The following SH3D19 variants were observed in gnomAD, a reference collection of about 807,000 sequenced individuals.
SH3D19 encodes SH3 domain containing 19.
A neutral mutation model predicts 112.1 loss-of-function variants in SH3D19; 58 were observed. The observed-to-expected ratio is 0.52, with a 90% CI of 0.42 to 0.64. The LOEUF (loss-of-function observed/expected upper bound fraction) is 0.64. SH3D19 is among the 30% of genes least tolerant of loss of function. The pLI is 0.00. For missense variants in SH3D19, 1,090 were observed against 1,263.4 expected (o/e 0.86, Z 2.08); for synonymous variants, 391 against 448.5 (o/e 0.87, Z 1.62).
chr4:151,134,833 G>C (rs1252578926), intron 15 of SH3D19, among the ~76,000 whole-genome samples: 1 of 152,168 alleles, frequency 6.6e-6, no homozygotes, highest in South Asian at 2.1e-4. Flanking sequence ...ATCACCATAT[G>C]AAGTGTTTTC....
rs1332400148 is a variant in SH3D19, at chr4:151,175,281, G to A, written c.923C>T (p.Thr308Ile). The part of the protein sequence containing the change: ...KVFEGQTNIE[T>I]SGLPKKPEIT... ...TTCTGGTTTCTTGGGCAGTCCTGAG[G>A]TTTCTATGTTTGTCTGACCCTCAAA... is the stretch of plus-strand genomic sequence containing the variant. The change falls in exon 7 of 20, where the codon ACC (threonine) becomes ATC (isoleucine). Residue 308 changes from threonine to isoleucine, a missense_variant. Thr to Ile is a moderately conservative substitution (Grantham distance 89, BLOSUM62 -1). Transcript: ENST00000604030. The A allele has an allele frequency of 6.2e-7, 1 of 1,614,146 alleles. No homozygotes were observed. The highest frequency in any genetic ancestry group is 1.1e-5 in the South Asian group (1 of 91,074).
At chr4:151,172,400 T>A (rs1349211265) in intron 7 of SH3D19, among the ~76,000 whole-genome samples, 1 of 152,132 alleles carries the variant, frequency 6.6e-6, no homozygotes, top group Non-Finnish European at 1.5e-5. Flanking sequence ...TGTGATAGGA[T>A]TGTCTGAGTG....
intron 1 of SH3D19, among the ~76,000 whole-genome samples, chr4:151,310,075 G>A (rs139870636): frequency 6.6e-6 from 1 of 151,546 alleles, no homozygotes; most frequent in Non-Finnish European, 1.5e-5. Flanking sequence ...CTAAGACCCT[G>A]TCTCAAAAAG....
At position 151,120,928 on chromosome 4, in the gene SH3D19, A is replaced by G. The variant is rs1219806830; in HGVS notation, c.*1163T>C. 6.5e-6 allele frequency: 1 copy of G among 152,686 alleles called. No homozygotes were observed. The highest frequency in any genetic ancestry group is 1.5e-5 in the Non-Finnish European group (1 of 68,050). 9.5% of individuals were successfully genotyped at this position (152,686 alleles called of 1,614,324 possible). A position where few individuals can be genotyped will look rare whatever the true frequency, so the allele number is the denominator to read the frequency against. On this transcript the variant is annotated 3_prime_UTR_variant, in exon 20 of 20. Coordinates refer to ENST00000604030, the MANE Select transcript of SH3D19 (RefSeq NM_001378122.1). ...TCTTCAACCTATTTGGCTCTAGCCCATAAATTGTAATTGATTCAGTCATGT... is the reference window on the plus strand; with the variant it reads ...TCTTCAACCTATTTGGCTCTAGCCCGTAAATTGTAATTGATTCAGTCATGT...
chr4:151,274,272 T>C (rs2149999876), intron 1 of SH3D19, among the ~76,000 whole-genome samples: 1 of 152,232 alleles, frequency 6.6e-6, no homozygotes, highest in East Asian at 1.9e-4. Flanking sequence ...CTAAAATCTT[T>C]TAAAATGTAT....
chr4:151,229,839 C>T (rs1030172819), intron 1 of SH3D19, among the ~76,000 whole-genome samples: 4 of 152,100 alleles, frequency 2.6e-5, no homozygotes, highest in Non-Finnish European at 4.4e-5. Context: ...CACTTGAGCT[C>T]GGGAGATGAA....
rs17027427 is a variant in SH3D19 at position 151,234,141 on chromosome 4, C to T, written c.113-8055G>A. Among the ~76,000 whole-genome samples the T allele has an allele frequency of 8.2e-3, 1,245 of 152,268 alleles. 18 individuals are homozygous for T. The highest frequency in any genetic ancestry group is 0.029 in the African/African-American group (1,189 of 41,546). ...ACATTTGGTCTATTCTTCTGCTCAA[C>T]ATAGTCTTCTCCAAAACAAAAAACG... On this transcript the variant is annotated intron_variant, in intron 1 of 19. Coordinates refer to ENST00000604030, the MANE Select transcript of SH3D19 (RefSeq NM_001378122.1).
chr4:151,171,747 A>G (rs1485818481), intron 7 of SH3D19, among the ~76,000 whole-genome samples: 5 of 152,190 alleles, frequency 3.3e-5, no homozygotes, highest in Non-Finnish European at 1.5e-5. Context: ...TTCTGTTAAT[A>G]GCAGAAATTG....
chr4:151,282,814 GGAA>G (rs1561428959), intron 1 of SH3D19, among the ~76,000 whole-genome samples: 2 of 152,046 alleles, frequency 1.3e-5, no homozygotes, highest in Non-Finnish European at 2.9e-5. Flanking sequence ...ACATGGGAAA[GGAA>G]GAAGTTTTAG....
rs1747874830 is a variant in SH3D19 at position 151,120,771 on chromosome 4, AAAC to A, written c.*1317_*1319del. On this transcript the variant is annotated 3_prime_UTR_variant, in exon 20 of 20. Transcript: ENST00000604030. ...AACTTTTTGGACAATGGGAAAAAAA[AAAC>A]AATAAAAGCTAAAATGTGGTCCAGC... 1 of 152,610 alleles carries A rather than the reference AAAC, an allele frequency of 6.6e-6. No individual in the cohort carries two copies. The highest frequency in any genetic ancestry group is 2.1e-4 in the South Asian group (1 of 4,836). The allele number at this position is 152,610 out of a possible 1,614,324, so 9.5% of individuals were successfully genotyped here.
chr4:151,130,118 T>C (rs1750303338), intron 17 of SH3D19, among the ~76,000 whole-genome samples: 1 of 152,122 alleles, frequency 6.6e-6, no homozygotes, highest in Admixed American at 6.5e-5. Flanking sequence ...AATGATCCCA[T>C]CAGGCTTAAC....
intron 2 of SH3D19, among the ~76,000 whole-genome samples, chr4:151,219,448 TC>T (rs1767676939): frequency 6.6e-6 from 1 of 152,186 alleles, no homozygotes; most frequent in African/African-American, 2.4e-5. Flanking sequence ...CCTATACCTA[TC>T]TTGATAGTCC....
Position 151,128,211 on chromosome 4 carries a change from C to T in SH3D19, c.2888G>A (p.Arg963Lys), listed in dbSNP as rs1272398734. 1.2e-6 allele frequency: 2 copies of T among 1,612,792 alleles called. No homozygotes were observed. The highest frequency in any genetic ancestry group is 1.7e-6 in the Non-Finnish European group (2 of 1,179,438). ...AAACACTGCTGGGAAGATCCCCTCCCTGTCCTGCAGTCTGCCCCTGCACCA... is the reference window on the plus strand; with the variant it reads ...AAACACTGCTGGGAAGATCCCCTCCTTGTCCTGCAGTCTGCCCCTGCACCA... ...SDWCRGRLQD[R>K]EGIFPAVFVR... The change falls in exon 18 of 20, where the codon AGG becomes AAG. Residue 963 changes from arginine (R) to lysine (K), a missense_variant. Arg to Lys is a conservative substitution (Grantham distance 26, BLOSUM62 2). Coordinates refer to ENST00000604030, the MANE Select transcript of SH3D19 (RefSeq NM_001378122.1).
intron 1 of SH3D19, among the ~76,000 whole-genome samples, chr4:151,253,226 G>C (rs1229141709): frequency 6.6e-6 from 1 of 152,268 alleles, no homozygotes; most frequent in African/African-American, 2.4e-5. Flanking sequence ...TCTGGCCATA[G>C]TGTTTCCTAA....
chr4:151,156,208 T>C (rs976361659), intron 9 of SH3D19, among the ~76,000 whole-genome samples: 13 of 152,136 alleles, frequency 8.5e-5, no homozygotes, highest in Non-Finnish European at 1.0e-4. Flanking sequence ...TCTATATTCA[T>C]GGATTAGAAG....
intron 2 of SH3D19, among the ~76,000 whole-genome samples, chr4:151,218,783 CAACA>C (rs1311977456): frequency 5.9e-5 from 9 of 152,100 alleles, no homozygotes; most frequent in African/African-American, 2.2e-4. Context: ...TAAAAATATA[CAACA>C]AACAATGTAT....
At chr4:151,286,913 G>A (rs2150014283) in intron 1 of SH3D19, among the ~76,000 whole-genome samples, 1 of 151,788 alleles carries the variant, frequency 6.6e-6, no homozygotes, top group Non-Finnish European at 1.5e-5. Context: ...CTGGGAGGTA[G>A]AGGTTACAGT....
chr4:151,264,234 C>G (rs1261879701), intron 1 of SH3D19, among the ~76,000 whole-genome samples: 1 of 151,912 alleles, frequency 6.6e-6, no homozygotes, highest in African/African-American at 2.4e-5. Flanking sequence ...AGTTCAAGAC[C>G]AGCCTGGCCA....
intron 8 of SH3D19, among the ~76,000 whole-genome samples, chr4:151,163,390 C>T (rs1757469356): frequency 6.6e-6 from 1 of 152,120 alleles, no homozygotes; most frequent in African/African-American, 2.4e-5. Context: ...TTACTAATTT[C>T]TGTAAAAGTT....
Sources: allele counts gnomAD v4.1 joint callset (sites outside exome capture counted in the v4.1 genomes callset), GRCh38; gene constraint gnomAD v4.1.1; transcripts MANE v1.5; gene names NCBI Gene and HGNC (gene_info 2026-07-23, HGNC 2026-07-21).